The following MYLK variants were observed in gnomAD, a reference collection of about 807,000 sequenced individuals.
MYLK encodes the protein myosin light chain kinase.
MYLK carries 106 observed loss-of-function variants against 203.4 expected under a neutral mutation model. The ratio of observed to expected loss-of-function variants is 0.52; its 90% CI spans 0.45 to 0.61. The LOEUF (loss-of-function observed/expected upper bound fraction) is 0.61. Among genes scored for constraint, MYLK ranks in the 20% least tolerant of loss-of-function variants. The pLI, the probability that MYLK is intolerant of heterozygous loss-of-function variation, is 0.00. For synonymous variants in MYLK, 867 were observed against 959.5 expected, an observed-to-expected ratio of 0.90 and a Z score of 1.78; for missense variants, 2,072 against 2,442.3, an observed-to-expected ratio of 0.85 and a Z score of 3.20.
At chr3:123,710,555 A>G (rs556633816) in intron 13 of MYLK, among the ~76,000 whole-genome samples, 1 of 152,328 alleles carries the variant, frequency 6.6e-6, no homozygotes, top group South Asian at 2.1e-4. Context: ...TAGAATGGCT[A>G]AAAATAAAAA....
At chr3:123,833,880 A>G (rs1020632461) in intron 2 of MYLK, among the ~76,000 whole-genome samples, 3 of 152,144 alleles carry the variant, frequency 2.0e-5, no homozygotes, top group African/African-American at 7.2e-5. Context: ...AAGCCACTTC[A>G]TCAGGTAACA....
intron 2 of MYLK, among the ~76,000 whole-genome samples, chr3:123,832,189 A>T (rs2148625947): frequency 6.6e-6 from 1 of 152,202 alleles, no homozygotes; most frequent in East Asian, 1.9e-4. Flanking sequence ...TCCTACCTTC[A>T]CTGTCCCAGG....
intron 32 of MYLK, 114 bp from the exon 33 acceptor site, chr3:123,618,884 CT>C: frequency 7.2e-7 from 1 of 1,379,776 alleles, no homozygotes; most frequent in Non-Finnish European, 1.0e-6. Flanking sequence ...AAGAAGGCAG[CT>C]TTGAGAACTG....
At chr3:123,834,196 C>G (rs2066418500) in intron 2 of MYLK, among the ~76,000 whole-genome samples, 2 of 152,076 alleles carry the variant, frequency 1.3e-5, no homozygotes, top group African/African-American at 4.8e-5. Context: ...CAGGTGCACG[C>G]CACCATGTCC....
chr3:123,762,712 C>T (rs1236317310), intron 4 of MYLK, among the ~76,000 whole-genome samples: 4 of 152,080 alleles, frequency 2.6e-5, no homozygotes, highest in East Asian at 1.9e-4. Context: ...AAGGGCTTGA[C>T]GGAGGTAGTT....
At chr3:123,667,617 GAAAA>G (rs1330130327) in intron 20 of MYLK, among the ~76,000 whole-genome samples, 3 of 149,594 alleles carry the variant, frequency 2.0e-5, no homozygotes, top group African/African-American at 7.4e-5. Flanking sequence ...AAAAAAAAAA[GAAAA>G]AAGAAAGTAA....
At chr3:123,855,543 G>A (rs1023249518) in intron 2 of MYLK, among the ~76,000 whole-genome samples, 1 of 151,998 alleles carries the variant, frequency 6.6e-6, no homozygotes, top group Non-Finnish European at 1.5e-5. Context: ...GGAGGTTGAG[G>A]TGGGAGGTTT....
At chr3:123,845,855 T>A (rs919607103) in intron 2 of MYLK, among the ~76,000 whole-genome samples, 1 of 152,198 alleles carries the variant, frequency 6.6e-6, no homozygotes, top group Non-Finnish European at 1.5e-5. Context: ...ACCTCCCCAC[T>A]GTTTAAAATA....
intron 33 of MYLK, chr3:123,616,322 T>C (rs2107833911): frequency 6.6e-6 from 1 of 152,158 alleles, no homozygotes; most frequent in East Asian, 1.9e-4. Flanking sequence ...AAGTTCAGCA[T>C]TAAAAAATAA....
rs556833485 is a variant in MYLK at position 123,876,586 on chromosome 3, A to G, written c.-154T>C. 2.0e-5 allele frequency: 3 copies of G among 152,312 alleles called. No individual in the cohort carries two copies. The South Asian group carries it at 6.2e-4, about 32-fold the overall frequency. The allele number at this position is 152,312 out of a possible 1,614,324, so 9.4% of individuals were successfully genotyped here. The stretch of plus-strand genomic sequence containing the variant: ...TTATTTTTTCTCTTCAGCTGGCCCG[A>G]ATTGGTTTCTGTTAATTTTGAAGAA... On this transcript the variant is annotated 5_prime_UTR_variant, in exon 2 of 34. Transcript: ENST00000360304.
chr3:123,752,981 C>T (rs749322814), intron 4 of MYLK, among the ~76,000 whole-genome samples: 5 of 152,156 alleles, frequency 3.3e-5, no homozygotes, highest in South Asian at 2.1e-4. Flanking sequence ...TCTACAGGTC[C>T]GGGCTGGGGC....
chr3:123,878,189 C>T (rs529969765), intron 1 of MYLK, among the ~76,000 whole-genome samples: 18 of 152,328 alleles, frequency 1.2e-4, no homozygotes, highest in African/African-American at 3.6e-4. Context: ...ACTACCCTTA[C>T]GACCACAGCA....
chr3:123,842,110 A>G (rs1374963030), intron 2 of MYLK, among the ~76,000 whole-genome samples: 5 of 152,128 alleles, frequency 3.3e-5, no homozygotes, highest in Admixed American at 1.3e-4. Context: ...ATATCTATCT[A>G]TATCTGTAGC....
intron 2 of MYLK, among the ~76,000 whole-genome samples, chr3:123,847,410 G>C (rs572720197): frequency 6.6e-6 from 1 of 151,984 alleles, no homozygotes; most frequent in Non-Finnish European, 1.5e-5. Flanking sequence ...CATTTTTCTT[G>C]TCCTATTGCA....
intron 2 of MYLK, among the ~76,000 whole-genome samples, chr3:123,870,752 C>G (rs1304554822): frequency 6.6e-6 from 1 of 152,228 alleles, no homozygotes; most frequent in Non-Finnish European, 1.5e-5. Flanking sequence ...TACATGTTAT[C>G]TACAGCTCCT....
intron 4 of MYLK, among the ~76,000 whole-genome samples, chr3:123,757,289 G>T (rs573696723): frequency 6.6e-6 from 1 of 152,206 alleles, no homozygotes; most frequent in East Asian, 1.9e-4. Flanking sequence ...TGTCCCTATA[G>T]GTCCTCCAAG....
At chr3:123,694,027 C>G (rs2060799861) in intron 18 of MYLK, among the ~76,000 whole-genome samples, 1 of 152,186 alleles carries the variant, frequency 6.6e-6, no homozygotes, top group Non-Finnish European at 1.5e-5. Context: ...TCCCTGCCCC[C>G]CATTACACAA....
chr3:123,870,351 G>A (rs557976189), intron 2 of MYLK, among the ~76,000 whole-genome samples: 31 of 152,276 alleles, frequency 2.0e-4, no homozygotes, highest in Non-Finnish European at 3.4e-4. Flanking sequence ...TAGGCTCCTG[G>A]GGGGACCAAA....
In MYLK at chr3:123,733,694, T is replaced by C; in HGVS notation, c.1302A>G (p.Arg434=). Reference sequence around the variant, plus strand: ...CTAATTACCTCTACTCACCTTCACATCTGAACTTGACAGTTTGATTTTCCT... The same window carrying C: ...CTAATTACCTCTACTCACCTTCACACCTGAACTTGACAGTTTGATTTTCCT... ...EVKENQTVKF[R]CEVSGIPKPE... The change falls in exon 10 of 34, where the codon AGA becomes AGG. Residue 434 remains arginine (R), a synonymous_variant. Coordinates refer to ENST00000360304, the MANE Select transcript of MYLK (RefSeq NM_053025.4). 1.2e-6 allele frequency: 2 copies of C among 1,614,098 alleles called. No homozygotes were observed. The highest frequency in any genetic ancestry group is 1.7e-6 in the Non-Finnish European group (2 of 1,180,030).
Sources: gnomAD v4.1 joint callset for allele counts (sites outside exome capture counted in the v4.1 genomes callset) on GRCh38, gnomAD v4.1.1 for gene constraint, MANE v1.5 for transcripts, NCBI Gene and HGNC (gene_info 2026-07-23, HGNC 2026-07-21) for gene names.